Variants in SNTG2 observed in about 807,000 individuals in gnomAD.
The protein encoded by SNTG2 is gamma-2-syntrophin.
Under a neutral mutation model 70.9 loss-of-function variants are expected in SNTG2, and 74 were observed. The ratio of observed to expected loss-of-function variants is 1.04; its 90% CI spans 0.86 to 1.27. SNTG2 has a LOEUF of 1.27. SNTG2 is among the 50% of genes most tolerant of loss of function. SNTG2 has a pLI of 0.00. For synonymous variants in SNTG2, 278 were observed against 273.8 expected, an observed-to-expected ratio of 1.02 and a Z score of -0.15; for missense variants, 717 against 690.7, an observed-to-expected ratio of 1.04 and a Z score of -0.43.
intron 9 of SNTG2, among the ~76,000 whole-genome samples, chr2:1,212,745 G>C (rs1572740441): frequency 6.6e-6 from 1 of 152,100 alleles, no homozygotes; most frequent in Non-Finnish European, 1.5e-5. Flanking sequence ...TTACCTGTAA[G>C]CTCCTCAGGT....
intron 1 of SNTG2, among the ~76,000 whole-genome samples, chr2:1,061,564 A>G (rs1662826182): frequency 6.6e-6 from 1 of 152,222 alleles, no homozygotes; most frequent in Non-Finnish European, 1.5e-5. Flanking sequence ...AATGCAACCC[A>G]CCAGGTATAC....
At chr2:1,164,907 GACAC>G (rs772725289) in intron 6 of SNTG2, among the ~76,000 whole-genome samples, 23 of 152,236 alleles carry the variant, frequency 1.5e-4, no homozygotes, top group Non-Finnish European at 1.5e-5. Context: ...AGTGAATTCT[GACAC>G]ACACAGCTTT....
intron 1 of SNTG2, among the ~76,000 whole-genome samples, chr2:1,048,850 T>C (rs1261791651): frequency 6.6e-6 from 1 of 152,198 alleles, no homozygotes. Context: ...TCACCCTCTT[T>C]GATTTTGTTC....
chr2:970,123 G>A (rs997649539), intron 1 of SNTG2, among the ~76,000 whole-genome samples: 1 of 152,158 alleles, frequency 6.6e-6, no homozygotes, highest in Non-Finnish European at 1.5e-5. Context: ...AGATGATCAT[G>A]TGGTTTTGGT....
chr2:953,760 G>A (rs553023884), intron 1 of SNTG2, among the ~76,000 whole-genome samples: 2 of 152,286 alleles, frequency 1.3e-5, no homozygotes, highest in East Asian at 3.9e-4. Context: ...AGAAAAGTGT[G>A]CCTTGTTTTT....
Position 996,673 on chromosome 2 carries a change from G to GTTTTTTTTTTTTTTTTTT in SNTG2, c.72+45619_72+45636dup. Among the ~76,000 whole-genome samples the GTTTTTTTTTTTTTTTTTT allele has an allele frequency of 1.4e-3, 49 of 35,098 alleles. 9 individuals carry two copies. The highest frequency in any genetic ancestry group is 6.3e-3 in the East Asian group (5 of 798). The allele number at this position is 35,098 out of a possible 152,430, so 23.0% of individuals were successfully genotyped here. On this transcript the variant is annotated intron_variant, in intron 1 of 16. Coordinates refer to ENST00000308624, the MANE Select transcript of SNTG2 (RefSeq NM_018968.4). ...ATATTGCTTGTATTTGAGTTACCCAGTTTTTTTTTTTTTTTTTTTTTTTTT... is the reference window on the plus strand; with the variant it reads ...ATATTGCTTGTATTTGAGTTACCCAGTTTTTTTTTTTTTTTTTTTTTTTTTTTTTTTTTTTTTTTTTTT...
At chr2:984,259 CT>C (rs35096466) in intron 1 of SNTG2, among the ~76,000 whole-genome samples, 17,668 of 140,134 alleles carry the variant, frequency 0.13, 1,350 homozygotes, top group South Asian at 0.22. Flanking sequence ...AGAAACAAAG[CT>C]TTTTTTTTTT....
chr2:1,300,214 C>T (rs1680396406), intron 14 of SNTG2, among the ~76,000 whole-genome samples: 2 of 152,036 alleles, frequency 1.3e-5, no homozygotes, highest in African/African-American at 2.4e-5. Flanking sequence ...ACCATCACCG[C>T]TCTGAAGGGT....
At chr2:1,223,491 G>A (rs545083181) in intron 9 of SNTG2, among the ~76,000 whole-genome samples, 5 of 152,224 alleles carry the variant, frequency 3.3e-5, no homozygotes, top group Non-Finnish European at 5.9e-5. Context: ...TGCATCCTGG[G>A]ATCCCTGTGC....
intron 9 of SNTG2, among the ~76,000 whole-genome samples, chr2:1,226,838 AATTG>A (rs1213644986): frequency 5.9e-5 from 9 of 152,194 alleles, no homozygotes; most frequent in African/African-American, 1.9e-4. Context: ...CTCTGTTTCA[AATTG>A]ATTGTATTTT....
intron 4 of SNTG2, among the ~76,000 whole-genome samples, chr2:1,112,390 C>T (rs1368064773): frequency 2.0e-5 from 3 of 151,446 alleles, no homozygotes; most frequent in African/African-American, 7.3e-5. Flanking sequence ...CCTCACAGTA[C>T]TTGGAGGAGG....
intron 1 of SNTG2, among the ~76,000 whole-genome samples, chr2:981,857 G>A (rs191348103): frequency 6.6e-6 from 1 of 152,096 alleles, no homozygotes; most frequent in African/African-American, 2.4e-5. Flanking sequence ...GAACACACAC[G>A]TCCACACAGA....
At chr2:1,265,246 C>T (rs1288799502) in intron 13 of SNTG2, among the ~76,000 whole-genome samples, 1 of 152,230 alleles carries the variant, frequency 6.6e-6, no homozygotes, top group Non-Finnish European at 1.5e-5. Context: ...GGTATCCCAG[C>T]TGAAGGAGAC....
chr2:1,193,308 T>C (rs1672712507), intron 8 of SNTG2, among the ~76,000 whole-genome samples: 1 of 152,224 alleles, frequency 6.6e-6, no homozygotes, highest in Non-Finnish European at 1.5e-5. Context: ...GGGGAGGCTC[T>C]CGGCACAATT....
chr2:1,355,972 C>G (rs951793619), intron 16 of SNTG2, among the ~76,000 whole-genome samples: 1 of 152,174 alleles, frequency 6.6e-6, no homozygotes, highest in Non-Finnish European at 1.5e-5. Context: ...TGTTTGCTGG[C>G]CACTTGAATG....
rs572125731 is a variant in SNTG2, at chr2:1,364,564, G to A, written c.1489-2779G>A. Among the ~76,000 whole-genome samples, 6 of 149,428 alleles carry A rather than the reference G, an allele frequency of 4.0e-5. No homozygotes were observed. The South Asian group carries it at 1.3e-3, about 33-fold the overall frequency. On this transcript the variant is annotated intron_variant, in intron 16 of 16. Transcript: ENST00000308624. ...GAGGTCAGGAAATCGAGACCATCCT[G>A]GCTAACACATGAAACCCTGTCTCCA...
chr2:1,034,842 C>T (rs1238061651), intron 1 of SNTG2, among the ~76,000 whole-genome samples: 1 of 152,174 alleles, frequency 6.6e-6, no homozygotes, highest in African/African-American at 2.4e-5. Context: ...CATTAAGGAC[C>T]TGAATTTAGT....
chr2:1,161,389 AG>A (rs58138298), intron 6 of SNTG2: 103,434 of 152,102 alleles, frequency 0.68, 37,021 homozygotes, highest in Non-Finnish European at 0.81. Context: ...AGATAGAGAG[AG>A]AGACAGAAAA....
At chr2:1,238,190 C>A (rs1043645403) in intron 10 of SNTG2, among the ~76,000 whole-genome samples, 173 bp downstream of exon 10, 1 of 152,128 alleles carries the variant, frequency 6.6e-6, no homozygotes, top group Non-Finnish European at 1.5e-5. Flanking sequence ...CAGAATGTTT[C>A]CAAATCAAAG....
Sources: gnomAD v4.1 joint callset for allele counts (sites outside exome capture counted in the v4.1 genomes callset) on GRCh38, gnomAD v4.1.1 for gene constraint, MANE v1.5 for transcripts, NCBI Gene and HGNC (gene_info 2026-07-23, HGNC 2026-07-21) for gene names.